The following LAMA4 variants were observed in gnomAD, a reference collection of about 807,000 sequenced individuals.
The protein encoded by LAMA4 is laminin subunit alpha-4.
Under a neutral mutation model 207.1 loss-of-function variants are expected in LAMA4, and 127 were observed. The observed-to-expected ratio is 0.61, with a 90% confidence interval of 0.53 to 0.71. The LOEUF is 0.71. LAMA4 is among the 30% of genes least tolerant of loss of function. The probability of loss-of-function intolerance (pLI) is 0.00; values close to 1 mark genes in which losing one functional copy is unlikely to be tolerated. For synonymous variants in LAMA4, 761 were observed against 816.0 expected (o/e 0.93, Z 1.15); for missense variants, 2,093 against 2,246.5 (o/e 0.93, Z 1.38).
In LAMA4 at chr6:112,117,774, G is replaced by T. The variant is rs781981393; in HGVS notation, c.4946C>A (p.Thr1649Asn). ...PCFEGPMETG[T>N]YFSTEGGYVV... Reference sequence around the variant, plus strand: ...GTATCCTCCTTCTGTTGAAAAGTAAGTTCCTGTTTCCATGGGGCCTTCAAA... The same window carrying T: ...GTATCCTCCTTCTGTTGAAAAGTAATTTCCTGTTTCCATGGGGCCTTCAAA... Residue 1649 changes from threonine (T) to asparagine (N), a missense_variant, in exon 35 of 39, where the codon ACT becomes AAT. This residue lies in a region of LAMA4 where 383 missense variants were observed against 437.8 expected (regional missense o/e 0.87). Transcript: ENST00000230538. This position sits in a 1 kb window ranked among gnomAD's most constrained non-coding sequence, Gnocchi z 4.5. The T allele has an allele frequency of 1.1e-5, 18 of 1,613,774 alleles. No homozygotes were observed. The highest frequency in any genetic ancestry group is 1.5e-5 in the Non-Finnish European group (18 of 1,179,760).
At chr6:112,119,667 A>G (rs587664071) in intron 33 of LAMA4, among the ~76,000 whole-genome samples, 11 of 152,278 alleles carry the variant, frequency 7.2e-5, no homozygotes, top group Non-Finnish European at 1.2e-4. Flanking sequence ...GAAGTGATCT[A>G]TGTATTTTCT....
intron 35 of LAMA4, among the ~76,000 whole-genome samples, chr6:112,116,943 A>G (rs1778054040): frequency 6.6e-6 from 1 of 152,168 alleles, no homozygotes; most frequent in South Asian, 2.1e-4. Flanking sequence ...GAGAGGAAAT[A>G]CTACCTCTGG....
intron 12 of LAMA4, among the ~76,000 whole-genome samples, chr6:112,167,259 G>A (rs1202896089): frequency 3.9e-5 from 6 of 152,190 alleles, no homozygotes; most frequent in South Asian, 2.1e-4. Context: ...AATTTGGGCC[G>A]GGTGTGGTGG....
chr6:112,213,348 C>A (rs1784452114), intron 3 of LAMA4, among the ~76,000 whole-genome samples: 1 of 152,204 alleles, frequency 6.6e-6, no homozygotes, highest in Non-Finnish European at 1.5e-5. Context: ...AGCCACCTAT[C>A]TGCTTCCACT....
At chr6:112,209,317 T>C (rs2115032616) in intron 3 of LAMA4, among the ~76,000 whole-genome samples, 1 of 152,292 alleles carries the variant, frequency 6.6e-6, no homozygotes, top group Non-Finnish European at 1.5e-5. Context: ...ATGAGCTAAT[T>C]CCCAATTCTG....
chr6:112,215,313 T>C (rs1784566742), intron 3 of LAMA4, among the ~76,000 whole-genome samples: 1 of 152,198 alleles, frequency 6.6e-6, no homozygotes, highest in Non-Finnish European at 1.5e-5. Flanking sequence ...CTTAATTCTC[T>C]GTCCCTAGAA....
At chr6:112,109,622 G>A (rs782307053) in intron 38 of LAMA4, 40 bp from the exon 39 acceptor site, 4 of 1,608,148 alleles carry the variant, frequency 2.5e-6, no homozygotes, top group Non-Finnish European at 3.4e-6. Flanking sequence ...TTGCAATTGA[G>A]GTATTCCAAG....
At chr6:112,110,288 T>C (rs782345176) in intron 38 of LAMA4, among the ~76,000 whole-genome samples, 6 of 152,218 alleles carry the variant, frequency 3.9e-5, no homozygotes, top group Non-Finnish European at 8.8e-5. Flanking sequence ...AGCAATATAA[T>C]TTAAAGCGAT....
intron 18 of LAMA4, among the ~76,000 whole-genome samples, chr6:112,147,038 C>A (rs1554334661): frequency 6.6e-6 from 1 of 152,086 alleles, no homozygotes; most frequent in Non-Finnish European, 1.5e-5. Flanking sequence ...ATTATGGTAT[C>A]CTCTTTCATT....
In LAMA4 at chr6:112,155,718, C is replaced by T; in HGVS notation, c.1818-12G>A. 6.2e-7 allele frequency: 1 copy of T among 1,613,792 alleles called. No individual in the cohort carries two copies. On this transcript the variant is annotated splice_polypyrimidine_tract_variant and intron_variant, in intron 14 of 38. Transcript: ENST00000230538. ...AACTGTGCAACTTCCTGTTAATAAA[C>T]AAACATTGTTATTTCTCCTTCTTAC...
chr6:112,199,972 C>T (rs1437970447), intron 5 of LAMA4, among the ~76,000 whole-genome samples: 1 of 152,162 alleles, frequency 6.6e-6, no homozygotes, highest in Non-Finnish European at 1.5e-5. Context: ...CTCTAGGGCA[C>T]TACATATCGT....
chr6:112,140,706 T>C, intron 22 of LAMA4, 54 bp downstream of exon 22: 1 of 1,552,440 alleles, frequency 6.4e-7, no homozygotes, highest in Non-Finnish European at 8.9e-7. Flanking sequence ...TATGGATTTA[T>C]AAAAACAATT....
chr6:112,167,893 C>T (rs1471807539), intron 12 of LAMA4, among the ~76,000 whole-genome samples: 1 of 131,930 alleles, frequency 7.6e-6, no homozygotes, highest in African/African-American at 2.9e-5. Flanking sequence ...CACACACACA[C>T]AGAGTTATGC....
At position 112,118,279 on chromosome 6, in the gene LAMA4, A is replaced by C. The variant is rs1433703316; in HGVS notation, c.4822-381T>G. Among the ~76,000 whole-genome samples the C allele has an allele frequency of 6.6e-6, 1 of 152,220 alleles. No individual in the cohort carries two copies. Among genetic ancestry groups the C allele is most frequent in the Non-Finnish European group, 1.5e-5 (1 of 68,030 alleles). ...AAAGTTCTTTACTTAAATCTACCAT[A>C]GCCAAATAAACAGCAGAAAGCTTTC... On this transcript the variant is annotated intron_variant, in intron 34 of 38. Transcript: ENST00000230538. The surrounding 1 kb of genome is among the most constrained non-coding windows in gnomAD (Gnocchi z 4.6).
Position 112,142,203 on chromosome 6 carries a change from C to G in LAMA4, c.2583G>C (p.Leu861=). 1 of 1,614,124 alleles carries G rather than the reference C, an allele frequency of 6.2e-7. No homozygotes were observed. Among genetic ancestry groups the G allele is most frequent in the Non-Finnish European group, 8.5e-7 (1 of 1,180,014 alleles). ...SMDDLKAFTS[L]SLYMKPPVKR... is the part of the protein sequence containing the mutation. ...TCACAGGGGGTTTCATGTACAGGCTCAGAGACGTGAAGGCCTTTAAGTCAT... is the reference window on the plus strand; with the variant it reads ...TCACAGGGGGTTTCATGTACAGGCTGAGAGACGTGAAGGCCTTTAAGTCAT... Residue 861 remains leucine, a synonymous_variant, in exon 20 of 39, where the codon CTG becomes CTC. Coordinates refer to ENST00000230538, the MANE Select transcript of LAMA4 (RefSeq NM_001105206.3).
At position 112,254,044 on chromosome 6, in the gene LAMA4, A is replaced by G. The variant is rs70940809; in HGVS notation, c.107T>C (p.Ile36Thr). ...SGDDNAFPFD[I>T]EGSSAVGRQD... is the part of the protein sequence containing the mutation. ...CCTGCCAACCGCTGAGCTCCCTTCAATGTCAAAAGGAAAAGCGTTGTCGTC... is the reference window on the plus strand; with the variant it reads ...CCTGCCAACCGCTGAGCTCCCTTCAGTGTCAAAAGGAAAAGCGTTGTCGTC... The change falls in exon 2 of 39, where the codon ATT becomes ACT. Residue 36 changes from isoleucine to threonine, a missense_variant. Coordinates refer to ENST00000230538, the MANE Select transcript of LAMA4 (RefSeq NM_001105206.3). 16 of 1,601,784 alleles carry G rather than the reference A, an allele frequency of 1.0e-5. No homozygotes were observed. In the East Asian group the frequency reaches 2.7e-4, roughly 27 times the overall value.
At chr6:112,221,353 C>T (rs1453716868) in intron 2 of LAMA4, among the ~76,000 whole-genome samples, 1 of 152,184 alleles carries the variant, frequency 6.6e-6, no homozygotes, top group Non-Finnish European at 1.5e-5. Flanking sequence ...CATATATTGA[C>T]TCAACTCATC....
At position 112,187,495 on chromosome 6, in the gene LAMA4, A is replaced by C. The variant is rs186498011; in HGVS notation, c.921T>G (p.Ala307=). The C allele has an allele frequency of 4.5e-4, 719 of 1,614,076 alleles. 8 individuals carry two copies. In the East Asian group the frequency reaches 0.013, roughly 29 times the overall value. The change falls in exon 8 of 39, where the codon GCT becomes GCG. Residue 307 remains alanine, a synonymous_variant. Coordinates refer to ENST00000230538, the MANE Select transcript of LAMA4 (RefSeq NM_001105206.3). ...GVLSVSSGAA[A]HRHVNEINAT... ...CGTTGATTTCATTCACGTGCCTATG[A>C]GCGGCGGCCCCAGAGGATACGCTCA...
intron 2 of LAMA4, chr6:112,217,548 A>G (rs769677053): frequency 6.6e-6 from 1 of 152,182 alleles, no homozygotes; most frequent in Non-Finnish European, 1.5e-5. Flanking sequence ...TCTGATTGCT[A>G]TGCAAACCTA....
Sources: gnomAD v4.1 joint callset for allele counts (sites outside exome capture counted in the v4.1 genomes callset) on GRCh38, gnomAD v4.1.1 for gene constraint, gnomAD v4.1.1 regional missense constraint, Gnocchi (gnomAD v3.1) non-coding constraint, MANE v1.5 for transcripts, NCBI Gene and HGNC (gene_info 2026-07-23, HGNC 2026-07-21) for gene names.